The following PPARGC1A variants were observed in gnomAD, a reference collection of about 807,000 sequenced individuals.
PPARGC1A encodes peroxisome proliferator-activated receptor gamma coactivator 1-alpha.
A neutral mutation model predicts 88.7 loss-of-function variants in PPARGC1A; 25 were observed. That is an observed-to-expected ratio of 0.28 (90% CI 0.21 to 0.39). The LOEUF is 0.39. Ranked by LOEUF, PPARGC1A falls within the 10% of genes least tolerant of loss-of-function variation. The pLI is 1.00. For synonymous variants in PPARGC1A, 363 were observed against 355.6 expected, an observed-to-expected ratio of 1.02 and a Z score of -0.24; for missense variants, 880 against 968.7, an observed-to-expected ratio of 0.91 and a Z score of 1.22.
the PPARGC1A span, among the ~76,000 whole-genome samples, chr4:24,169,475 A>G: frequency 0.036 from 5,433 of 152,242 alleles, 151 homozygotes; most frequent in South Asian, 0.1. Flanking sequence ...ATGTTATAAC[A>G]GGGGAGACTG....
chr4:24,462,170 C>T, the PPARGC1A span, among the ~76,000 whole-genome samples: 3 of 152,252 alleles, frequency 2.0e-5, no homozygotes, highest in East Asian at 5.8e-4. Context: ...ACTGCAACCT[C>T]TGTCTCCCCA....
chr4:24,097,428 C>T, the PPARGC1A span, among the ~76,000 whole-genome samples: 2 of 152,126 alleles, frequency 1.3e-5, no homozygotes, highest in Non-Finnish European at 2.9e-5. Flanking sequence ...GTCCCTACTG[C>T]CCACGTTATA....
intron 5 of PPARGC1A, among the ~76,000 whole-genome samples, chr4:23,825,914 CT>C (rs1723848830): frequency 6.6e-6 from 1 of 152,074 alleles, no homozygotes; most frequent in Non-Finnish European, 1.5e-5. Flanking sequence ...TATGAAGAAA[CT>C]TTACCAAGTT....
the PPARGC1A span, among the ~76,000 whole-genome samples, chr4:24,093,406 C>T: frequency 6.6e-6 from 1 of 152,192 alleles, no homozygotes. Flanking sequence ...CATTATTATC[C>T]TTTTAGTAAT....
At chr4:24,161,961 TACACACACACACACACACACACAC>T in the PPARGC1A span, among the ~76,000 whole-genome samples, 125 of 133,938 alleles carry the variant, frequency 9.3e-4, 3 homozygotes, top group South Asian at 0.023. Context: ...AATTGTGATA[TACACACACACACACACACACACAC>T]ACACACACAC....
At chr4:23,977,713 C>A in the PPARGC1A span, among the ~76,000 whole-genome samples, 1 of 152,136 alleles carries the variant, frequency 6.6e-6, no homozygotes, top group Non-Finnish European at 1.5e-5. Flanking sequence ...AAAGAGAAAG[C>A]AATGGATAGC....
intron 2 of PPARGC1A, among the ~76,000 whole-genome samples, chr4:23,867,098 C>G (rs1035722217): frequency 6.6e-6 from 1 of 152,172 alleles, no homozygotes; most frequent in Non-Finnish European, 1.5e-5. Flanking sequence ...TTATTGAAGA[C>G]TCACGAGTAA....
At chr4:24,343,449 C>A in the PPARGC1A span, among the ~76,000 whole-genome samples, 1 of 152,152 alleles carries the variant, frequency 6.6e-6, no homozygotes, top group Non-Finnish European at 1.5e-5. Flanking sequence ...TTTGTCCCAT[C>A]CACAGGACGC....
chr4:24,322,730 G>C, the PPARGC1A span, among the ~76,000 whole-genome samples: 2 of 152,296 alleles, frequency 1.3e-5, no homozygotes, highest in African/African-American at 4.8e-5. Context: ...TCAGAAATCA[G>C]CATGCACTAT....
chr4:24,273,832 G>A, the PPARGC1A span, among the ~76,000 whole-genome samples: 1 of 150,352 alleles, frequency 6.7e-6, no homozygotes, highest in Non-Finnish European at 1.5e-5. Flanking sequence ...CCAGGTTGAA[G>A]CGATTCTCCT....
the PPARGC1A span, among the ~76,000 whole-genome samples, chr4:24,004,338 A>G: frequency 6.6e-6 from 1 of 152,240 alleles, no homozygotes; most frequent in Non-Finnish European, 1.5e-5. Context: ...ATGAACTGAG[A>G]AACAGAAAAA....
chr4:23,822,060 C>A (rs1034576460), intron 7 of PPARGC1A, among the ~76,000 whole-genome samples: 2 of 151,974 alleles, frequency 1.3e-5, no homozygotes, highest in African/African-American at 4.8e-5. Flanking sequence ...TTTGAGTAGA[C>A]AATTTTATCA....
the PPARGC1A span, among the ~76,000 whole-genome samples, chr4:24,456,518 T>C: frequency 6.6e-6 from 1 of 152,086 alleles, no homozygotes; most frequent in African/African-American, 2.4e-5. Context: ...CTGGCATTCT[T>C]TGGTATGGCT....
chr4:23,992,274 TTA>T, the PPARGC1A span, among the ~76,000 whole-genome samples: 25 of 29,052 alleles, frequency 8.6e-4, no homozygotes, highest in East Asian at 0.011. Context: ...GATAATATTA[TTA>T]CTAGTCTATA....
At chr4:23,917,113 A>T in the PPARGC1A span, among the ~76,000 whole-genome samples, 1 of 152,170 alleles carries the variant, frequency 6.6e-6, no homozygotes, top group South Asian at 2.1e-4. Flanking sequence ...CCCAGAACCT[A>T]CCCATGGCCT....
chr4:24,063,379 G>A, the PPARGC1A span, among the ~76,000 whole-genome samples: 14 of 152,206 alleles, frequency 9.2e-5, no homozygotes, highest in East Asian at 9.7e-4. Context: ...GTTTTCTTCC[G>A]TTTAAACAAA....
chr4:24,464,872 G>A, the PPARGC1A span, among the ~76,000 whole-genome samples: 4 of 152,078 alleles, frequency 2.6e-5, no homozygotes, highest in Admixed American at 6.5e-5. Flanking sequence ...AGACCCCAGC[G>A]TAACCTCTTC....
the PPARGC1A span, among the ~76,000 whole-genome samples, chr4:24,096,763 GT>G: frequency 6.6e-6 from 1 of 152,040 alleles, no homozygotes; most frequent in Non-Finnish European, 1.5e-5. Flanking sequence ...CTTACCCACT[GT>G]TTTTCCCTCC....
At chr4:23,928,395 G>A in the PPARGC1A span, among the ~76,000 whole-genome samples, 2 of 152,154 alleles carry the variant, frequency 1.3e-5, no homozygotes, top group Non-Finnish European at 1.5e-5. Context: ...GCCACAATGA[G>A]ATACCATCTC....
Sources: allele counts gnomAD v4.1 joint callset (sites outside exome capture counted in the v4.1 genomes callset), GRCh38; gene constraint gnomAD v4.1.1; transcripts MANE v1.5; gene names NCBI Gene and HGNC (gene_info 2026-07-23, HGNC 2026-07-21).